Variants in PHYKPL observed in about 807,000 individuals in gnomAD.
PHYKPL encodes 5-phosphonooxy-L-lysine phospho-lyase.
In PHYKPL, 42 loss-of-function variants were observed where a neutral mutation model predicts 51.3. The observed-to-expected ratio is 0.82, with a 90% confidence interval of 0.64 to 1.06. The LOEUF is 1.06. Among genes scored for constraint, PHYKPL ranks in the 50% least tolerant of loss-of-function variants. The pLI, the probability that PHYKPL is intolerant of heterozygous loss-of-function variation, is 0.00. For missense variants in PHYKPL, 655 were observed against 586.6 expected, an observed-to-expected ratio of 1.12 and a Z score of -1.20; for synonymous variants, 264 against 236.0, an observed-to-expected ratio of 1.12 and a Z score of -1.09.
Position 178,232,529 on chromosome 5 carries a change from T to C in PHYKPL, c.22A>G (p.Lys8Glu). 1 of 1,288,518 alleles carries C rather than the reference T, an allele frequency of 7.8e-7. No homozygotes were observed. The highest frequency in any genetic ancestry group is 9.8e-7 in the Non-Finnish European group (1 of 1,022,434). 79.8% of individuals were successfully genotyped at this position (1,288,518 alleles called of 1,614,324 possible). A position where few individuals can be genotyped will look rare whatever the true frequency, so the allele number is the denominator to read the frequency against. ...TGCCTCAGGGCCAGCGTGTCGGCCTTCGGGCGCTGGTCTGCGGCCATGGTG... is the reference window on the plus strand; with the variant it reads ...TGCCTCAGGGCCAGCGTGTCGGCCTCCGGGCGCTGGTCTGCGGCCATGGTG... MAADQRPKADTLALRQRL... is the reference protein window; with the variant it reads MAADQRPEADTLALRQRL... The change falls in exon 1 of 13, where the codon AAG (lysine) becomes GAG (glutamate). Residue 8 changes from lysine to glutamate, a missense_variant. By Grantham distance (56) the Lys-to-Glu change is moderately conservative. Coordinates refer to ENST00000308158, the MANE Select transcript of PHYKPL (RefSeq NM_153373.4).
downstream of PHYKPL, among the ~76,000 whole-genome samples, chr5:178,208,269 GTC>G (rs1456495554): frequency 2.0e-5 from 3 of 152,206 alleles, no homozygotes; most frequent in Admixed American, 6.5e-5. Flanking sequence ...ACTCCTGGAA[GTC>G]TCTATCCTGG....
intron 12 of PHYKPL, chr5:178,209,992 A>C: frequency 8.5e-7 from 1 of 1,174,052 alleles, no homozygotes; most frequent in Non-Finnish European, 1.2e-6. Flanking sequence ...CAGGGCCCTT[A>C]TACACCAGAA....
At chr5:178,219,594 T>C (rs1047119645) in intron 8 of PHYKPL, among the ~76,000 whole-genome samples, 2 of 151,628 alleles carry the variant, frequency 1.3e-5, no homozygotes, top group Non-Finnish European at 2.9e-5. Flanking sequence ...GGACTACAGG[T>C]GCCCGCCACC....
At chr5:178,227,623 A>T (rs1484861885) in intron 3 of PHYKPL, among the ~76,000 whole-genome samples, 1 of 152,144 alleles carries the variant, frequency 6.6e-6, no homozygotes, top group Non-Finnish European at 1.5e-5. Flanking sequence ...AAGTGGGGAG[A>T]CATGCAGGGG....
At chr5:178,228,574 A>G in intron 3 of PHYKPL, 1 of 702,474 alleles carries the variant, frequency 1.4e-6, no homozygotes, top group Non-Finnish European at 2.6e-6. Flanking sequence ...CTTTCTTTGA[A>G]CTGCTGTTAC....
At position 178,222,872 on chromosome 5, in the gene PHYKPL, G is replaced by T. The variant is rs1388176785; in HGVS notation, c.681C>A (p.Gly227=). 1.9e-6 allele frequency: 3 copies of T among 1,614,050 alleles called. No individual in the cohort carries two copies. The highest frequency in any genetic ancestry group is 2.5e-6 in the Non-Finnish European group (3 of 1,180,038). ...SVGGQIIPPA[G]YFSQVAEHIR... ...CTCACTCTGCCACTTGGGAGAAGTA[G>T]CCAGCAGGGGGAATGATCTGCCCTC... The change falls in exon 7 of 13, where the codon GGC becomes GGA. Residue 227 remains glycine (G), a synonymous_variant. Transcript: ENST00000308158.
chr5:178,209,293 G>A (rs367966177), intron 12 of PHYKPL: 2 of 1,552,776 alleles, frequency 1.3e-6, no homozygotes, highest in Non-Finnish European at 1.8e-6. Flanking sequence ...CCCTGAGTTT[G>A]TCCTACTGGC....
In PHYKPL at chr5:178,232,505, G is replaced by T. The variant is rs914421042; in HGVS notation, c.46C>A (p.Gln16Lys). 7.4e-7 allele frequency: 1 copy of T among 1,347,192 alleles called. No individual in the cohort carries two copies. Among genetic ancestry groups the T allele is most frequent in the Non-Finnish European group, 9.5e-7 (1 of 1,058,182 alleles). 83.5% of individuals were successfully genotyped at this position (1,347,192 alleles called of 1,614,324 possible). ...CCGCCCGGGTACCTGATGAGCCGTT[G>T]CCTCAGGGCCAGCGTGTCGGCCTTC... is the stretch of plus-strand genomic sequence containing the variant. Reference protein sequence around the residue: ...RPKADTLALRQRLISSSCRLF... With the variant: ...RPKADTLALRKRLISSSCRLF... Residue 16 changes from glutamine to lysine, a missense_variant, in exon 1 of 13, where the codon CAA becomes AAA. By Grantham distance (53) the Gln-to-Lys change is moderately conservative. Transcript: ENST00000308158.
chr5:178,231,773 T>C (rs1217058416), intron 1 of PHYKPL: 8 of 1,463,870 alleles, frequency 5.5e-6, no homozygotes, highest in Admixed American at 2.1e-5. Flanking sequence ...CTCTGTGGCC[T>C]CCTTGCTCAT....
chr5:178,230,203 T>C, intron 2 of PHYKPL, 104 bp from the exon 3 acceptor site: 2 of 1,439,208 alleles, frequency 1.4e-6, no homozygotes, highest in East Asian at 2.3e-5. Flanking sequence ...GATGTAGTTC[T>C]AGAGGGAGAG....
At chr5:178,226,664 C>T (rs1433432228) in intron 3 of PHYKPL, 1 of 152,228 alleles carries the variant, frequency 6.6e-6, no homozygotes, top group Non-Finnish European at 1.5e-5. Flanking sequence ...ATGACAGCAG[C>T]ATTCCTTCTA....
At chr5:178,217,585 G>T (rs1199496187) in intron 8 of PHYKPL, among the ~76,000 whole-genome samples, 3 of 151,294 alleles carry the variant, frequency 2.0e-5, no homozygotes, top group Non-Finnish European at 4.4e-5. Context: ...TCAGCCGGCC[G>T]CGGTGACTCA....
At chr5:178,218,734 A>G (rs1760479010) in intron 8 of PHYKPL, among the ~76,000 whole-genome samples, 2 of 152,248 alleles carry the variant, frequency 1.3e-5, no homozygotes, top group Admixed American at 6.5e-5. Flanking sequence ...TAAAGAAGTT[A>G]AAGCAGCAGT....
chr5:178,228,343 C>CG lies in PHYKPL; in HGVS notation c.338+1596_338+1597insC, dbSNP rs1479705136. 6.9e-6 allele frequency: 4 copies of CG among 582,262 alleles called. No individual in the cohort carries two copies. The African/African-American group carries it at 7.5e-5, about 11-fold the overall frequency. 36.1% of individuals were successfully genotyped at this position (582,262 alleles called of 1,614,324 possible). A position where few individuals can be genotyped will look rare whatever the true frequency, so the allele number is the denominator to read the frequency against. On this transcript the variant is annotated intron_variant, in intron 3 of 12. Transcript: ENST00000308158. ...GCCCGGGAAGCAAGATGACAGACCA[C>CG]TTCCGGAGAGTGGTAACTGTCAATT...
intron 6 of PHYKPL, chr5:178,223,747 G>C (rs13361311): frequency 1.5e-5 from 5 of 334,532 alleles, no homozygotes; most frequent in Admixed American, 4.1e-5. Context: ...AGCCTTCAGA[G>C]AGCCCTCACC....
At chr5:178,220,920 C>T (rs1761051405) in intron 8 of PHYKPL, among the ~76,000 whole-genome samples, 1 of 152,000 alleles carries the variant, frequency 6.6e-6, no homozygotes, top group African/African-American at 2.4e-5. Context: ...GCATGATAGA[C>T]TTCATATAAA....
At chr5:178,223,739 C>G (rs549920127) in intron 6 of PHYKPL, 1 of 337,162 alleles carries the variant, frequency 3.0e-6, no homozygotes, top group Non-Finnish European at 5.9e-6. Context: ...TTCAGTGAAG[C>G]CTTCAGAGAG....
rs764997969 is a variant in PHYKPL, at chr5:178,213,025, G to A, written c.1251C>T (p.Phe417=). 1 of 1,614,238 alleles carries A rather than the reference G, an allele frequency of 6.2e-7. No individual in the cohort carries two copies. The highest frequency in any genetic ancestry group is 1.7e-5 in the Admixed American group (1 of 60,026). ...NILKFKPPMC[F]SLDNARQVVA... The stretch of plus-strand genomic sequence containing the variant: ...CCACCTGCCGTGCATTGTCCAGGCT[G>A]AAGCACATTGGGGGCTTAAACTTCA... The change falls in exon 11 of 13, where the codon TTC becomes TTT. Residue 417 remains phenylalanine (F), a synonymous_variant. Coordinates refer to ENST00000308158, the MANE Select transcript of PHYKPL (RefSeq NM_153373.4).
At chr5:178,207,691 CTTTTTTTTTTTTT>C (rs34424574), downstream of PHYKPL, among the ~76,000 whole-genome samples, 5 of 78,758 alleles carry the variant, frequency 6.3e-5, no homozygotes, top group Non-Finnish European at 9.0e-5. Flanking sequence ...ACTTTGAGCA[CTTTTTTTTTTTTT>C]TTTTTTTTTT....
Sources: gnomAD v4.1 joint callset for allele counts (sites outside exome capture counted in the v4.1 genomes callset) on GRCh38, gnomAD v4.1.1 for gene constraint, MANE v1.5 for transcripts, NCBI Gene and HGNC (gene_info 2026-07-23, HGNC 2026-07-21) for gene names.